MCCC2: variants seen among roughly 807,000 people sequenced by gnomAD.
MCCC2 encodes methylcrotonyl-CoA carboxylase subunit 2, also known as methylcrotonoyl-CoA carboxylase beta chain, mitochondrial.
In MCCC2, 52 loss-of-function variants were observed where a neutral mutation model predicts 77.2. That is an observed-to-expected ratio of 0.67 (90% confidence interval 0.54 to 0.85). The LOEUF is 0.85. Ranked by LOEUF, MCCC2 falls within the 40% of genes least tolerant of loss-of-function variation. The probability of loss-of-function intolerance (pLI) is 0.00; values close to 1 mark genes in which losing one functional copy is unlikely to be tolerated. For synonymous variants in MCCC2, 253 were observed against 248.4 expected (o/e 1.02, Z -0.18); for missense variants, 682 against 703.2 (o/e 0.97, Z 0.34).
Position 71,593,791 on chromosome 5 carries a change from C to T in MCCC2, c.196+799C>T, listed in dbSNP as rs531834148. Among the ~76,000 whole-genome samples, 125 of 152,094 alleles carry T rather than the reference C, an allele frequency of 8.2e-4. 3 individuals are homozygous for T. In the South Asian group the frequency reaches 0.025, roughly 30 times the overall value. ...GACTGTTTCAGATAACTTTTATCAACAAGTATATAATACTTAAAATTGTAT... is the reference window on the plus strand; with the variant it reads ...GACTGTTTCAGATAACTTTTATCAATAAGTATATAATACTTAAAATTGTAT... On this transcript the variant is annotated intron_variant, in intron 2 of 16. Coordinates refer to ENST00000340941, the MANE Select transcript of MCCC2 (RefSeq NM_022132.5).
chr5:71,629,889 T>A (rs1262702703), intron 7 of MCCC2, among the ~76,000 whole-genome samples: 1 of 152,186 alleles, frequency 6.6e-6, no homozygotes, highest in Non-Finnish European at 1.5e-5. Flanking sequence ...CTTGTTTATT[T>A]TTTGACTAGA....
intron 6 of MCCC2, among the ~76,000 whole-genome samples, chr5:71,612,328 A>G (rs1187020639): frequency 6.6e-6 from 1 of 152,092 alleles, no homozygotes; most frequent in African/African-American, 2.4e-5. Context: ...TGCAATTATT[A>G]TATATCTTTT....
intron 12 of MCCC2, among the ~76,000 whole-genome samples, chr5:71,644,425 T>C (rs903315586): frequency 6.6e-5 from 10 of 152,158 alleles, no homozygotes; most frequent in Middle Eastern, 3.2e-3. Context: ...TCTTTGTTAC[T>C]GGACCCGTGA....
chr5:71,631,063 C>T (rs1746689541), intron 7 of MCCC2, among the ~76,000 whole-genome samples: 1 of 152,110 alleles, frequency 6.6e-6, no homozygotes, highest in African/African-American at 2.4e-5. Flanking sequence ...CCACATTCTG[C>T]TAGATCTTAG....
At chr5:71,590,866 T>C (rs1189647563) in intron 1 of MCCC2, among the ~76,000 whole-genome samples, 3 of 152,120 alleles carry the variant, frequency 2.0e-5, no homozygotes, top group Non-Finnish European at 2.9e-5. Context: ...TTAAAATTTA[T>C]TAAGATTTGT....
At chr5:71,610,964 G>A (rs1046410163) in intron 6 of MCCC2, among the ~76,000 whole-genome samples, 5 of 151,750 alleles carry the variant, frequency 3.3e-5, no homozygotes, top group South Asian at 2.1e-4. Context: ...CCAGCCTGGC[G>A]ACGAAGTGAG....
At chr5:71,633,104 TATATATATATATATATATATATA>T (rs1746781527) in intron 8 of MCCC2, among the ~76,000 whole-genome samples, 1 of 20,918 alleles carries the variant, frequency 4.8e-5, no homozygotes, top group Non-Finnish European at 1.1e-4. Context: ...TATATATATA[TATATATATATATATATATATATA>T]TATATTTTTA....
At chr5:71,588,256 C>T (rs1016327899) in intron 1 of MCCC2, among the ~76,000 whole-genome samples, 1 of 135,140 alleles carries the variant, frequency 7.4e-6, no homozygotes, top group Admixed American at 7.9e-5. Flanking sequence ...GCAACAAGAG[C>T]GAACTCTGTC....
At chr5:71,634,232 C>T (rs905120305) in intron 8 of MCCC2, among the ~76,000 whole-genome samples, 1 of 152,156 alleles carries the variant, frequency 6.6e-6, no homozygotes, top group African/African-American at 2.4e-5. Flanking sequence ...AAATAACAGG[C>T]CATCTAATTG....
intron 15 of MCCC2, among the ~76,000 whole-genome samples, chr5:71,650,551 A>C (rs1467179531): frequency 2.0e-5 from 3 of 151,858 alleles, no homozygotes; most frequent in South Asian, 4.2e-4. Flanking sequence ...TGCAGCCTCC[A>C]CCTCCTGGGT....
intron 8 of MCCC2, among the ~76,000 whole-genome samples, chr5:71,633,133 T>TATATA (rs1561841506): frequency 3.5e-5 from 4 of 113,010 alleles, no homozygotes; most frequent in African/African-American, 1.7e-4. Context: ...ATATATATAT[T>TATATA]TTTATTTTTT....
intron 6 of MCCC2, among the ~76,000 whole-genome samples, chr5:71,606,059 C>T (rs1745663708): frequency 6.6e-6 from 1 of 152,132 alleles, no homozygotes; most frequent in Admixed American, 6.5e-5. Context: ...GCGATGTGGG[C>T]TCTTTTTTGG....
intron 4 of MCCC2, 33 bp downstream of exon 4, chr5:71,599,793 T>C: frequency 6.4e-7 from 1 of 1,568,206 alleles, no homozygotes; most frequent in Non-Finnish European, 8.8e-7. Flanking sequence ...ATAATGTGGG[T>C]TGAGAAGAAG....
rs10538231 is a variant in MCCC2, at chr5:71,603,415, C to CAA, written c.511+805_511+806dup. ...TGGGCGACAGAGAGAGAGACTGTCT[C>CAA]AAAAAAAAAAAAAAAAAAAAAAAAT... On this transcript the variant is annotated intron_variant, in intron 5 of 16. Coordinates refer to ENST00000340941, the MANE Select transcript of MCCC2 (RefSeq NM_022132.5). Among the ~76,000 whole-genome samples the CAA allele has an allele frequency of 2.2e-3, 163 of 74,222 alleles. 1 individual carries two copies. Among genetic ancestry groups the CAA allele is most frequent in the African/African-American group, 7.7e-3 (142 of 18,326 alleles). 48.7% of individuals were successfully genotyped at this position (74,222 alleles called of 152,430 possible).
intron 6 of MCCC2, among the ~76,000 whole-genome samples, chr5:71,611,937 C>T (rs1442449294): frequency 2.0e-5 from 3 of 151,854 alleles, no homozygotes; most frequent in Admixed American, 6.6e-5. Flanking sequence ...TACAGGCGCC[C>T]ACCACCATGC....
chr5:71,618,609 A>C (rs1746261605), intron 6 of MCCC2, among the ~76,000 whole-genome samples: 1 of 147,466 alleles, frequency 6.8e-6, no homozygotes, highest in Admixed American at 6.8e-5. Flanking sequence ...CTGGTCTTGA[A>C]CTCCTGGCTT....
At chr5:71,610,205 C>T (rs1206470760) in intron 6 of MCCC2, among the ~76,000 whole-genome samples, 2 of 152,346 alleles carry the variant, frequency 1.3e-5, no homozygotes, top group African/African-American at 2.4e-5. Flanking sequence ...GACTGCTGTG[C>T]TAGCAATCAG....
intron 6 of MCCC2, among the ~76,000 whole-genome samples, chr5:71,605,490 A>T (rs1210700290): frequency 5.9e-5 from 9 of 151,714 alleles, no homozygotes; most frequent in African/African-American, 2.2e-4. Context: ...CCTTTGTCAG[A>T]TGAGTAGGTT....
At chr5:71,602,798 G>A in intron 5 of MCCC2, 165 bp downstream of exon 5, 1 of 1,020,618 alleles carries the variant, frequency 9.8e-7, no homozygotes, top group Non-Finnish European at 1.4e-6. Context: ...CTGGGGGAAA[G>A]TAAACAAGAA....
Sources: gnomAD v4.1 joint callset for allele counts (sites outside exome capture counted in the v4.1 genomes callset) on GRCh38, gnomAD v4.1.1 for gene constraint, MANE v1.5 for transcripts, NCBI Gene and HGNC (gene_info 2026-07-23, HGNC 2026-07-21) for gene names.